The following NRG3 variants were observed in gnomAD, a reference collection of about 807,000 sequenced individuals.
NRG3 encodes the protein neuregulin 3.
NRG3 carries 31 observed loss-of-function variants against 66.9 expected under a neutral mutation model. The observed-to-expected ratio is 0.46, with a 90% CI of 0.35 to 0.63. The LOEUF (loss-of-function observed/expected upper bound fraction) is 0.63. NRG3 is among the 20% of genes least tolerant of loss of function. The pLI is 0.00. For missense variants in NRG3, 910 were observed against 878.9 expected (o/e 1.04, Z -0.45); for synonymous variants, 393 against 359.4 (o/e 1.09, Z -1.06).
intron 2 of NRG3, among the ~76,000 whole-genome samples, chr10:82,421,510 A>G (rs1474043247): frequency 6.6e-6 from 1 of 152,082 alleles, no homozygotes; most frequent in Non-Finnish European, 1.5e-5. Flanking sequence ...ACCAAAAAAA[A>G]AGTCTATTAT....
chr10:82,648,868 C>T (rs1002192567), intron 2 of NRG3, among the ~76,000 whole-genome samples: 9 of 152,144 alleles, frequency 5.9e-5, no homozygotes, highest in Non-Finnish European at 1.2e-4. Flanking sequence ...TACCCTGAGA[C>T]TTTGCTGAAG....
At chr10:82,844,213 T>C (rs2063200265) in intron 3 of NRG3, among the ~76,000 whole-genome samples, 2 of 152,222 alleles carry the variant, frequency 1.3e-5, no homozygotes, top group Admixed American at 1.3e-4. Flanking sequence ...GCCTCGTTTA[T>C]TTGTTTCAAA....
At chr10:82,186,956 A>T (rs568219032) in intron 1 of NRG3, among the ~76,000 whole-genome samples, 1 of 152,140 alleles carries the variant, frequency 6.6e-6, no homozygotes, top group Non-Finnish European at 1.5e-5. Flanking sequence ...GCCCTGTTTT[A>T]TCCTTACTTC....
At chr10:82,790,052 A>G (rs191871616) in intron 3 of NRG3, among the ~76,000 whole-genome samples, 1 of 152,112 alleles carries the variant, frequency 6.6e-6, no homozygotes, top group Non-Finnish European at 1.5e-5. Flanking sequence ...ATATGACTTT[A>G]TGCATCATAA....
At chr10:82,126,660 G>T (rs909879126) in intron 1 of NRG3, among the ~76,000 whole-genome samples, 1 of 152,058 alleles carries the variant, frequency 6.6e-6, no homozygotes, top group Admixed American at 6.6e-5. Flanking sequence ...CTTTGAACTG[G>T]CATTTTAACC....
intron 7 of NRG3, among the ~76,000 whole-genome samples, 164 bp downstream of exon 7, chr10:82,974,079 A>G (rs577150001): frequency 2.8e-4 from 42 of 152,276 alleles, no homozygotes; most frequent in Non-Finnish European, 5.3e-4. Context: ...CAGGTAAAGC[A>G]AAGATACCAG....
intron 1 of NRG3, among the ~76,000 whole-genome samples, chr10:81,879,028 A>C (rs1307652252): frequency 6.6e-6 from 1 of 152,332 alleles, no homozygotes; most frequent in East Asian, 1.9e-4. Flanking sequence ...AATTTTCTGT[A>C]GGAATAAAGA....
chr10:81,894,617 A>G (rs1452397809), intron 1 of NRG3, among the ~76,000 whole-genome samples: 1 of 152,186 alleles, frequency 6.6e-6, no homozygotes, highest in Non-Finnish European at 1.5e-5. Context: ...GCAGAAACAC[A>G]CGCACTAATC....
intron 1 of NRG3, among the ~76,000 whole-genome samples, chr10:82,185,706 G>A (rs2073760667): frequency 6.6e-6 from 1 of 152,136 alleles, no homozygotes; most frequent in Non-Finnish European, 1.5e-5. Flanking sequence ...GAAACCTAGG[G>A]TGGACAAGCT....
chr10:82,096,239 G>A (rs1388555273), intron 1 of NRG3, among the ~76,000 whole-genome samples: 3 of 152,178 alleles, frequency 2.0e-5, no homozygotes, highest in Non-Finnish European at 2.9e-5. Flanking sequence ...CACTTTGGGA[G>A]GCTGAGGTGG....
chr10:82,452,179 C>A (rs2091044107), intron 2 of NRG3, among the ~76,000 whole-genome samples: 1 of 152,162 alleles, frequency 6.6e-6, no homozygotes, highest in African/African-American at 2.4e-5. Flanking sequence ...TAGCCTTGTT[C>A]TATAAACTCA....
chr10:82,038,503 T>C (rs11192252), intron 1 of NRG3, among the ~76,000 whole-genome samples: 18,406 of 152,158 alleles, frequency 0.12, 1,509 homozygotes, highest in African/African-American at 0.22. Flanking sequence ...AGTAAGAAGA[T>C]GAGGACTCAA....
chr10:82,695,045 T>C (rs1202001964), intron 2 of NRG3, among the ~76,000 whole-genome samples: 1 of 152,144 alleles, frequency 6.6e-6, no homozygotes, highest in Non-Finnish European at 1.5e-5. Context: ...TAAAATAGAA[T>C]ATTGTATATT....
At chr10:82,690,478 C>T (rs1438168434) in intron 2 of NRG3, among the ~76,000 whole-genome samples, 2 of 151,926 alleles carry the variant, frequency 1.3e-5, no homozygotes, top group Non-Finnish European at 2.9e-5. Flanking sequence ...CTATCCTCAT[C>T]CTCCAAAATA....
intron 6 of NRG3, among the ~76,000 whole-genome samples, chr10:82,968,333 C>A (rs1272807621): frequency 1.3e-5 from 2 of 152,034 alleles, no homozygotes; most frequent in Non-Finnish European, 2.9e-5. Context: ...CAAGTAGTCA[C>A]TGAAACAAAA....
At chr10:82,399,982 T>C (rs2136043530) in intron 2 of NRG3, among the ~76,000 whole-genome samples, 1 of 152,318 alleles carries the variant, frequency 6.6e-6, no homozygotes, top group Middle Eastern at 3.4e-3. Context: ...ACCTGCTCTC[T>C]GAAAGCCTTC....
At chr10:82,660,307 A>G (rs184793826) in intron 2 of NRG3, among the ~76,000 whole-genome samples, 18 of 142,818 alleles carry the variant, frequency 1.3e-4, no homozygotes, top group Admixed American at 1.2e-3. Flanking sequence ...CAGGTTTGCT[A>G]TTTTTTCATT....
At chr10:82,407,762 G>A (rs2136113142) in intron 2 of NRG3, among the ~76,000 whole-genome samples, 1 of 152,088 alleles carries the variant, frequency 6.6e-6, no homozygotes, top group Non-Finnish European at 1.5e-5. Context: ...TCCTCATGAA[G>A]TTTACATGTT....
At chr10:82,305,984 G>C (rs1039928996) in intron 1 of NRG3, among the ~76,000 whole-genome samples, 1 of 152,180 alleles carries the variant, frequency 6.6e-6, no homozygotes, top group African/African-American at 2.4e-5. Flanking sequence ...GGCTGAGAGA[G>C]ATATATTTAT....
Sources: gnomAD v4.1 joint callset for allele counts (sites outside exome capture counted in the v4.1 genomes callset) on GRCh38, gnomAD v4.1.1 for gene constraint, MANE v1.5 for transcripts, NCBI Gene and HGNC (gene_info 2026-07-23, HGNC 2026-07-21) for gene names.